The following FRMD4B variants were observed in gnomAD, a reference collection of about 807,000 sequenced individuals.
FRMD4B encodes FERM domain containing 4B.
Under a neutral mutation model 141.5 loss-of-function variants are expected in FRMD4B, and 74 were observed. The ratio of observed to expected loss-of-function variants is 0.52; its 90% CI spans 0.43 to 0.63. The LOEUF is 0.63. Among genes scored for constraint, FRMD4B ranks in the 30% least tolerant of loss-of-function variants. FRMD4B has a pLI of 0.00. For missense variants in FRMD4B, 1,366 were observed against 1,253.4 expected (o/e 1.09, Z -1.36); for synonymous variants, 506 against 467.9 (o/e 1.08, Z -1.05).
At chr3:69,207,320 A>AAAG (rs2093032622) in intron 11 of FRMD4B, among the ~76,000 whole-genome samples, 1 of 150,562 alleles carries the variant, frequency 6.6e-6, no homozygotes, top group South Asian at 2.1e-4. Context: ...AAAAAAAAAA[A>AAAG]AAAGAAAGAA....
chr3:69,426,003 T>C (rs1221290527), intron 2 of FRMD4B, among the ~76,000 whole-genome samples: 1 of 152,254 alleles, frequency 6.6e-6, no homozygotes, highest in African/African-American at 2.4e-5. Flanking sequence ...GGCCTTTTAA[T>C]AGCTTTAATA....
chr3:69,202,724 G>T (rs190659816), intron 11 of FRMD4B, among the ~76,000 whole-genome samples: 8 of 152,112 alleles, frequency 5.3e-5, no homozygotes, highest in Non-Finnish European at 1.5e-5. Context: ...TGTAAATTAG[G>T]TCTTCCAGAT....
At chr3:69,331,100 C>T (rs543103001) in intron 1 of FRMD4B, among the ~76,000 whole-genome samples, 1 of 152,282 alleles carries the variant, frequency 6.6e-6, no homozygotes, top group East Asian at 1.9e-4. Flanking sequence ...AAATATTTTC[C>T]CCCGTGTCCC....
chr3:69,304,820 G>A (rs72934863), intron 3 of FRMD4B, among the ~76,000 whole-genome samples: 2 of 151,990 alleles, frequency 1.3e-5, no homozygotes, highest in Non-Finnish European at 2.9e-5. Flanking sequence ...GTGGGATAGC[G>A]TGTCAAAATG....
At chr3:69,420,311 A>G (rs555530643) in intron 2 of FRMD4B, among the ~76,000 whole-genome samples, 2 of 150,000 alleles carry the variant, frequency 1.3e-5, no homozygotes, top group African/African-American at 4.9e-5. Context: ...AAAAACAACC[A>G]AAACAACCCT....
At chr3:69,251,151 C>A (rs1054415166) in intron 5 of FRMD4B, among the ~76,000 whole-genome samples, 2 of 151,928 alleles carry the variant, frequency 1.3e-5, no homozygotes, top group Non-Finnish European at 2.9e-5. Flanking sequence ...TTAACAAATG[C>A]AAAAAAATTC....
intron 1 of FRMD4B, among the ~76,000 whole-genome samples, chr3:69,355,987 T>G (rs1183279713): frequency 1.3e-5 from 2 of 152,026 alleles, no homozygotes; most frequent in Admixed American, 6.6e-5. Context: ...ATCACACCAC[T>G]GCACTCCAGC....
chr3:69,252,308 A>G (rs1039428926), intron 5 of FRMD4B, among the ~76,000 whole-genome samples: 1 of 152,214 alleles, frequency 6.6e-6, no homozygotes, highest in South Asian at 2.1e-4. Flanking sequence ...CAGCTCCAGA[A>G]GAGTGGGGAG....
At chr3:69,463,769 A>G (rs1705737932) in intron 1 of FRMD4B, among the ~76,000 whole-genome samples, 2 of 152,184 alleles carry the variant, frequency 1.3e-5, no homozygotes, top group South Asian at 4.1e-4. Context: ...GGAAATCCAT[A>G]AGCAAACTTT....
chr3:69,521,511 T>C (rs749901666), intron 1 of FRMD4B, among the ~76,000 whole-genome samples: 4 of 152,216 alleles, frequency 2.6e-5, no homozygotes, highest in Non-Finnish European at 5.9e-5. Context: ...AAATATCCCA[T>C]GTGACTTTTA....
chr3:69,472,919 GTCTT>G, intron 1 of FRMD4B, among the ~76,000 whole-genome samples: 1 of 113,064 alleles, frequency 8.8e-6, no homozygotes, highest in South Asian at 3.2e-4. Flanking sequence ...CTTCAAGTGA[GTCTT>G]TCTTTTTTTT....
chr3:69,261,735 C>G (rs764824083), intron 5 of FRMD4B, among the ~76,000 whole-genome samples: 1 of 152,114 alleles, frequency 6.6e-6, no homozygotes, highest in African/African-American at 2.4e-5. Context: ...TGCAGTGGCA[C>G]GATCTCAGCT....
Position 69,490,464 on chromosome 3 carries a change from G to T in FRMD4B, c.-129+51742C>A, listed in dbSNP as rs562509056. Among the ~76,000 whole-genome samples the T allele has an allele frequency of 1.2e-4, 18 of 152,260 alleles. 1 individual carries two copies. In the South Asian group the frequency reaches 3.5e-3, roughly 30 times the overall value. On this transcript the variant is annotated intron_variant, in intron 1 of 5. Coordinates refer to the FRMD4B transcript ENST00000459638. ...CCTGTCTCTCAAACATGCCAGGCTTGTTCCTATTGCAGGCGTTTGCAATGG... is the reference window on the plus strand; with the variant it reads ...CCTGTCTCTCAAACATGCCAGGCTTTTTCCTATTGCAGGCGTTTGCAATGG...
rs1227972305 is a variant in FRMD4B, at chr3:69,456,935, C to T, written c.-128-24174G>A. 2.0e-5 allele frequency among the ~76,000 whole-genome samples: 3 copies of T among 151,992 alleles called. No individual in the cohort carries two copies. The East Asian group carries it at 5.8e-4, about 29-fold the overall frequency. On this transcript the variant is annotated intron_variant, in intron 1 of 5. Transcript: ENST00000459638. ...AACACAGTCCATGTTGCCCACAAAACTAAAAATATTCATTATGTGGCCCTG... is the reference window on the plus strand; with the variant it reads ...AACACAGTCCATGTTGCCCACAAAATTAAAAATATTCATTATGTGGCCCTG...
At chr3:69,469,412 C>T (rs1232083011) in intron 1 of FRMD4B, among the ~76,000 whole-genome samples, 2 of 152,156 alleles carry the variant, frequency 1.3e-5, no homozygotes, top group African/African-American at 2.4e-5. Context: ...CTTAGCAGAA[C>T]GTATTTACTT....
At chr3:69,481,667 A>T (rs1424640395) in intron 1 of FRMD4B, among the ~76,000 whole-genome samples, 2 of 152,128 alleles carry the variant, frequency 1.3e-5, no homozygotes, top group African/African-American at 4.8e-5. Flanking sequence ...TTTTCCTATA[A>T]GGAGGAAAAC....
In FRMD4B at chr3:69,223,109, C is replaced by T. The variant is rs568771315; in HGVS notation, c.666-1186G>A. Among the ~76,000 whole-genome samples, 11 of 152,290 alleles carry T rather than the reference C, an allele frequency of 7.2e-5. No individual in the cohort carries two copies. In the South Asian group the frequency reaches 1.9e-3, roughly 26 times the overall value. On this transcript the variant is annotated intron_variant, in intron 8 of 22. Transcript: ENST00000398540. ...GCTTTAGGAGAAAACCCTTTTATTG[C>T]CCTAGAGTAAAACTTGTTGACTGGA...
At chr3:69,224,363 G>C (rs1200024617) in intron 8 of FRMD4B, among the ~76,000 whole-genome samples, 1 of 152,132 alleles carries the variant, frequency 6.6e-6, no homozygotes, top group African/African-American at 2.4e-5. Flanking sequence ...TTACACACTT[G>C]AAAGAAACAT....
chr3:69,251,587 C>T (rs1203215647), intron 5 of FRMD4B, among the ~76,000 whole-genome samples: 1 of 152,172 alleles, frequency 6.6e-6, no homozygotes, highest in Non-Finnish European at 1.5e-5. Flanking sequence ...TAATTTCATC[C>T]TCTAACACAC....
Sources: allele counts gnomAD v4.1 joint callset (sites outside exome capture counted in the v4.1 genomes callset), GRCh38; gene constraint gnomAD v4.1.1; transcripts MANE v1.5; gene names NCBI Gene and HGNC (gene_info 2026-07-23, HGNC 2026-07-21).